PINX1: variants seen among roughly 807,000 people sequenced by gnomAD.
The protein encoded by PINX1 is PIN2 (TERF1) interacting telomerase inhibitor 1.
A neutral mutation model predicts 25.4 loss-of-function variants in PINX1; 34 were observed. The observed-to-expected ratio is 1.34, with a 90% CI of 1.02 to 1.78. The LOEUF (loss-of-function observed/expected upper bound fraction) is 1.78, where lower values mean the gene tolerates loss of function less well. PINX1 is among the 40% of genes most tolerant of loss of function. The probability of loss-of-function intolerance (pLI) is 0.00; values close to 1 mark genes in which losing one functional copy is unlikely to be tolerated. For missense variants in PINX1, 592 were observed against 404.9 expected, an observed-to-expected ratio of 1.46 and a Z score of -3.97; for synonymous variants, 197 against 147.7, an observed-to-expected ratio of 1.33 and a Z score of -2.42.
intron 6 of PINX1, among the ~76,000 whole-genome samples, chr8:10,792,026 T>C (rs1801939329): frequency 6.6e-6 from 1 of 152,100 alleles, no homozygotes; most frequent in Non-Finnish European, 1.5e-5. Context: ...CCGCCCCCTC[T>C]CTCCCGCTCA....
intron 4 of PINX1, among the ~76,000 whole-genome samples, chr8:10,828,959 G>C (rs1798138527): frequency 6.6e-6 from 1 of 152,168 alleles, no homozygotes; most frequent in Non-Finnish European, 1.5e-5. Context: ...TCATTAAAAT[G>C]TATAACAGAT....
chr8:10,832,232 C>G (rs1324169664), intron 3 of PINX1, among the ~76,000 whole-genome samples: 1 of 152,084 alleles, frequency 6.6e-6, no homozygotes, highest in Non-Finnish European at 1.5e-5. Context: ...AACCTTAAGT[C>G]CCCTGAATCG....
intron 6 of PINX1, among the ~76,000 whole-genome samples, chr8:10,815,265 A>C (rs530419535): frequency 1.2e-4 from 18 of 152,234 alleles, no homozygotes; most frequent in Non-Finnish European, 2.5e-4. Flanking sequence ...TTAGACGCAA[A>C]AAGGTCAGAG....
chr8:10,800,681 G>A lies in PINX1; in HGVS notation c.471+19512C>T, dbSNP rs368132363. ...GATGGGGTTTCACCACATTGGCCAG[G>A]CTGGTCTTGAACTCCTGACCTCAAG... On this transcript the variant is annotated intron_variant, in intron 6 of 6. Transcript: ENST00000314787. Among the ~76,000 whole-genome samples, 4 of 152,202 alleles carry A rather than the reference G, an allele frequency of 2.6e-5. No individual in the cohort carries two copies. In the South Asian group the frequency reaches 8.3e-4, roughly 32 times the overall value.
chr8:10,797,122 G>A (rs1347631727), intron 6 of PINX1, among the ~76,000 whole-genome samples: 2 of 152,110 alleles, frequency 1.3e-5, no homozygotes, highest in South Asian at 2.1e-4. Flanking sequence ...GGAGAGTGTT[G>A]CTGCCGTGGA....
chr8:10,818,533 C>G (rs1797769630), intron 6 of PINX1, among the ~76,000 whole-genome samples: 1 of 152,178 alleles, frequency 6.6e-6, no homozygotes, highest in Non-Finnish European at 1.5e-5. Flanking sequence ...ATTTCCCTCC[C>G]TGATCTGTTC....
intron 6 of PINX1, among the ~76,000 whole-genome samples, chr8:10,770,229 G>C (rs750506755): frequency 1.3e-5 from 2 of 152,342 alleles, no homozygotes; most frequent in South Asian, 2.1e-4. Flanking sequence ...GTGGTTCTCT[G>C]ACTCAGTTTC....
At chr8:10,771,471 A>G (rs1003981615) in intron 6 of PINX1, 1 of 152,126 alleles carries the variant, frequency 6.6e-6, no homozygotes, top group Non-Finnish European at 1.5e-5. Context: ...TGTTGCTTCT[A>G]TTTTCTGTAT....
In PINX1 at chr8:10,805,898, GGGTGACAGAGCAC is replaced by G. The variant is rs1278926171; in HGVS notation, c.471+14282_471+14294del. Among the ~76,000 whole-genome samples, 27 of 75,954 alleles carry G rather than the reference GGGTGACAGAGCAC, an allele frequency of 3.6e-4. 1 individual carries two copies. Among genetic ancestry groups the G allele is most frequent in the African/African-American group, 1.3e-3 (17 of 12,988 alleles). The allele number at this position is 75,954 out of a possible 152,430, so 49.8% of individuals were successfully genotyped here. ...GGAAGGGGCCACACTAGTGCTGAGG[GGGTGACAGAGCAC>G]AGGAAGGGGCCACACTAGTGCTGAG... is the stretch of plus-strand genomic sequence containing the variant. On this transcript the variant is annotated intron_variant, in intron 6 of 6. Transcript: ENST00000314787.
At chr8:10,826,539 G>C (rs1798051535) in intron 4 of PINX1, among the ~76,000 whole-genome samples, 1 of 152,138 alleles carries the variant, frequency 6.6e-6, no homozygotes, top group African/African-American at 2.4e-5. Flanking sequence ...ACAAAACCTA[G>C]ACACAAATGT....
intron 6 of PINX1, among the ~76,000 whole-genome samples, chr8:10,803,723 G>A (rs1161582983): frequency 1.3e-5 from 2 of 152,200 alleles, no homozygotes; most frequent in African/African-American, 4.8e-5. Flanking sequence ...AGGTCTGCTT[G>A]TTCTACTTCC....
chr8:10,831,377 G>A (rs1798221904), intron 4 of PINX1, among the ~76,000 whole-genome samples: 1 of 152,204 alleles, frequency 6.6e-6, no homozygotes, highest in African/African-American at 2.4e-5. Flanking sequence ...CTATAGCACT[G>A]TAGGGTGACT....
chr8:10,830,934 A>C (rs75958406), intron 4 of PINX1, among the ~76,000 whole-genome samples: 3,473 of 152,268 alleles, frequency 0.023, 151 homozygotes, highest in African/African-American at 0.079. Flanking sequence ...TGATCCAGCA[A>C]TCCACTCCCA....
intron 6 of PINX1, among the ~76,000 whole-genome samples, chr8:10,790,708 T>C (rs902501718): frequency 1.3e-5 from 2 of 152,178 alleles, no homozygotes; most frequent in Non-Finnish European, 2.9e-5. Flanking sequence ...GACCTCTACC[T>C]GCCTGCCTCA....
intron 6 of PINX1, among the ~76,000 whole-genome samples, chr8:10,778,968 C>T (rs959328304): frequency 3.3e-5 from 5 of 152,128 alleles, no homozygotes; most frequent in Non-Finnish European, 5.9e-5. Flanking sequence ...GCTTGCAGAG[C>T]GCCTCTGGGA....
At chr8:10,829,731 G>A (rs972989707) in intron 4 of PINX1, among the ~76,000 whole-genome samples, 8 of 151,922 alleles carry the variant, frequency 5.3e-5, no homozygotes, top group Non-Finnish European at 1.0e-4. Flanking sequence ...TGTTGCCCAG[G>A]CTGGAGTGCA....
chr8:10,779,132 C>T (rs1801504569), intron 6 of PINX1, among the ~76,000 whole-genome samples: 1 of 152,104 alleles, frequency 6.6e-6, no homozygotes, highest in Non-Finnish European at 1.5e-5. Context: ...TCTTTGTTTA[C>T]TTTTAAGACT....
In PINX1 at chr8:10,823,899, G is replaced by A. The variant is rs148840987; in HGVS notation, c.394+2253C>T. Among the ~76,000 whole-genome samples the A allele has an allele frequency of 7.5e-4, 114 of 152,346 alleles. 1 individual carries two copies. The highest frequency in any genetic ancestry group is 2.4e-3 in the African/African-American group (101 of 41,582). The stretch of plus-strand genomic sequence containing the variant: ...AAATTTTACAACACTATTTGCTACT[G>A]TAATCTTAGTAGAGTAAAATTTTAA... On this transcript the variant is annotated intron_variant, in intron 5 of 6. Coordinates refer to ENST00000314787, the MANE Select transcript of PINX1 (RefSeq NM_017884.6).
At chr8:10,835,236 G>C (rs2129091088) in intron 1 of PINX1, among the ~76,000 whole-genome samples, 1 of 152,314 alleles carries the variant, frequency 6.6e-6, no homozygotes, top group Admixed American at 6.5e-5. Context: ...TATTCAACCT[G>C]AGACCTGCTC....
Sources: allele counts gnomAD v4.1 joint callset (sites outside exome capture counted in the v4.1 genomes callset), GRCh38; gene constraint gnomAD v4.1.1; transcripts MANE v1.5; gene names NCBI Gene and HGNC (gene_info 2026-07-23, HGNC 2026-07-21).